The following TCAIM variants were observed in gnomAD, a reference collection of about 807,000 sequenced individuals.
TCAIM encodes the protein T-cell activation inhibitor, mitochondrial.
A neutral mutation model predicts 58.6 loss-of-function variants in TCAIM; 36 were observed. The observed-to-expected ratio is 0.61, with a 90% CI of 0.47 to 0.81. TCAIM has a LOEUF of 0.81. Among genes scored for constraint, TCAIM ranks in the 30% least tolerant of loss-of-function variants. The pLI, the probability that TCAIM is intolerant of heterozygous loss-of-function variation, is 0.00. For synonymous variants in TCAIM, 172 were observed against 193.6 expected (o/e 0.89, Z 0.93); for missense variants, 466 against 579.6 (o/e 0.80, Z 2.01).
At chr3:44,361,242 C>G in intron 3 of TCAIM, 123 bp from the exon 4 acceptor site, 1 of 857,282 alleles carries the variant, frequency 1.2e-6, no homozygotes, top group Non-Finnish European at 1.6e-6. Flanking sequence ...GCTATGAAAT[C>G]CCAACATTTT....
chr3:44,366,418 CT>C (rs1701375281), intron 4 of TCAIM, among the ~76,000 whole-genome samples: 1 of 145,148 alleles, frequency 6.9e-6, no homozygotes, highest in Non-Finnish European at 1.5e-5. Context: ...CTCCCGAGTA[CT>C]TGGGATTACA....
At chr3:44,397,390 G>A (rs1412094998) in intron 8 of TCAIM, among the ~76,000 whole-genome samples, 1 of 152,132 alleles carries the variant, frequency 6.6e-6, no homozygotes, top group African/African-American at 2.4e-5. Context: ...GAATCATAGG[G>A]CTTGCAAACT....
At chr3:44,379,825 G>T (rs79645368) in intron 5 of TCAIM, among the ~76,000 whole-genome samples, 1 of 152,000 alleles carries the variant, frequency 6.6e-6, no homozygotes, top group Non-Finnish European at 1.5e-5. Context: ...AGCACGTTAC[G>T]TTACACCCAT....
chr3:44,340,201 C>T (rs1029017800), intron 1 of TCAIM: 1 of 152,214 alleles, frequency 6.6e-6, no homozygotes, highest in African/African-American at 2.4e-5. Flanking sequence ...ATTTGATTTT[C>T]TGTGTAGCTA....
Position 44,401,902 on chromosome 3 carries a change from G to C in TCAIM, c.1250+568G>C, listed in dbSNP as rs1006585994. Among the ~76,000 whole-genome samples, 10 of 152,078 alleles carry C rather than the reference G, an allele frequency of 6.6e-5. No individual in the cohort carries two copies. In the South Asian group the frequency reaches 2.1e-3, roughly 32 times the overall value. On this transcript the variant is annotated intron_variant, in intron 10 of 10. Transcript: ENST00000342649. ...ACAAAAGTTATCCAGGTGTTATGGC[G>C]GTCACCTCTAGTCCCAGCTACTCAG...
intron 3 of TCAIM, chr3:44,358,199 CTCT>C: frequency 6.4e-7 from 1 of 1,560,186 alleles, no homozygotes; most frequent in Non-Finnish European, 8.6e-7. Context: ...CAATCTCTCT[CTCT>C]TTTTTTTTTT....
At chr3:44,358,996 G>C in intron 3 of TCAIM, 1 of 984,280 alleles carries the variant, frequency 1.0e-6, no homozygotes, top group South Asian at 4.7e-5. Flanking sequence ...CATTAACTCG[G>C]GGATGCATTA....
intron 1 of TCAIM, among the ~76,000 whole-genome samples, chr3:44,345,565 C>T (rs991000617): frequency 6.6e-6 from 1 of 151,878 alleles, no homozygotes; most frequent in Non-Finnish European, 1.5e-5. Context: ...GAGTCCTCCA[C>T]GATTTTGGAG....
chr3:44,364,565 A>AC (rs1701343809), intron 4 of TCAIM, among the ~76,000 whole-genome samples: 1 of 152,032 alleles, frequency 6.6e-6, no homozygotes, highest in African/African-American at 2.4e-5. Context: ...ACATAGCAAA[A>AC]CCCCGTCTCT....
At chr3:44,385,592 A>C (rs1341239665) in intron 5 of TCAIM, among the ~76,000 whole-genome samples, 1 of 152,118 alleles carries the variant, frequency 6.6e-6, no homozygotes, top group African/African-American at 2.4e-5. Context: ...ATACAAAAAA[A>C]ATTAGCCGGG....
chr3:44,347,739 A>G (rs931382305), intron 1 of TCAIM, among the ~76,000 whole-genome samples: 1 of 152,186 alleles, frequency 6.6e-6, no homozygotes, highest in Non-Finnish European at 1.5e-5. Flanking sequence ...ACAGGCTTTA[A>G]TCCTTTTAAA....
intron 5 of TCAIM, among the ~76,000 whole-genome samples, chr3:44,390,630 T>A (rs994974194): frequency 1.3e-5 from 2 of 151,784 alleles, no homozygotes; most frequent in Non-Finnish European, 2.9e-5. Flanking sequence ...CTCAAAAAAA[T>A]TGGAACAATA....
At chr3:44,385,464 G>A (rs1352860845) in intron 5 of TCAIM, among the ~76,000 whole-genome samples, 8 of 152,156 alleles carry the variant, frequency 5.3e-5, no homozygotes, top group African/African-American at 1.4e-4. Context: ...CTGAAAGGCC[G>A]GGCATGGTGG....
At chr3:44,340,592 A>G (rs1308820818) in intron 1 of TCAIM, 1 of 152,248 alleles carries the variant, frequency 6.6e-6, no homozygotes, top group African/African-American at 2.4e-5. Context: ...CCAAGTTTGT[A>G]TTAAATAATT....
chr3:44,339,886 A>T (rs898799224), intron 1 of TCAIM: 9 of 152,078 alleles, frequency 5.9e-5, no homozygotes, highest in African/African-American at 2.2e-4. Flanking sequence ...TGTCTTAATA[A>T]TTTTCTAGTC....
In TCAIM at chr3:44,357,757, A is replaced by T. The variant is rs919903477; in HGVS notation, c.46A>T (p.Ile16Leu). 6.2e-7 allele frequency: 1 copy of T among 1,614,126 alleles called. No individual in the cohort carries two copies. The highest frequency in any genetic ancestry group is 8.5e-7 in the Non-Finnish European group (1 of 1,180,016). ...TTTTAAAAGGTTATGTCTAGAGAAG[A>T]TATTTCCACACTGGTTTCCCTTTTC... The part of the protein sequence containing the change: ...RPMRRLCLEK[I>L]FPHWFPFSRA... Residue 16 changes from isoleucine to leucine, a missense_variant, in exon 3 of 11, where the codon ATA becomes TTA. Physicochemically the swap from Ile to Leu is conservative, Grantham distance 5. Transcript: ENST00000342649.
intron 1 of TCAIM, among the ~76,000 whole-genome samples, chr3:44,354,225 T>G (rs1701148419): frequency 6.6e-6 from 1 of 152,234 alleles, no homozygotes. Context: ...TAGTTGACTT[T>G]ATTTGTATGA....
chr3:44,368,469 A>G (rs964507962), intron 5 of TCAIM, among the ~76,000 whole-genome samples: 10 of 152,220 alleles, frequency 6.6e-5, no homozygotes, highest in African/African-American at 2.2e-4. Flanking sequence ...CTACCTAGCT[A>G]GATTCTAAAT....
At chr3:44,406,363 A>G (rs1702100578) in intron 10 of TCAIM, among the ~76,000 whole-genome samples, 1 of 152,240 alleles carries the variant, frequency 6.6e-6, no homozygotes, top group Non-Finnish European at 1.5e-5. Flanking sequence ...TGCTATTGAT[A>G]GAAGTTTAAG....
Sources: allele counts gnomAD v4.1 joint callset (sites outside exome capture counted in the v4.1 genomes callset), GRCh38; gene constraint gnomAD v4.1.1; transcripts MANE v1.5; gene names NCBI Gene and HGNC (gene_info 2026-07-23, HGNC 2026-07-21).